Variants in CWC27 observed in about 807,000 individuals in gnomAD.
CWC27 encodes the protein CWC27 spliceosome associated cyclophilin.
In CWC27, 47 loss-of-function variants were observed where a neutral mutation model predicts 63.6. The observed-to-expected ratio is 0.74, with a 90% CI of 0.58 to 0.94. The LOEUF is 0.94. Ranked by LOEUF, CWC27 falls within the 40% of genes least tolerant of loss-of-function variation. The pLI is 0.00. For synonymous variants in CWC27, 175 were observed against 179.8 expected (o/e 0.97, Z 0.22); for missense variants, 495 against 554.3 (o/e 0.89, Z 1.07).
intron 13 of CWC27, among the ~76,000 whole-genome samples, chr5:65,011,723 T>TTATG (rs752906685): frequency 1.3e-5 from 2 of 152,314 alleles, no homozygotes; most frequent in South Asian, 4.1e-4. Context: ...GACCTGAGTA[T>TTATG]TATGGACCAC....
Position 64,889,038 on chromosome 5 carries a change from A to G in CWC27, c.1042+3492A>G, listed in dbSNP as rs772276786. Among the ~76,000 whole-genome samples, 70 of 152,302 alleles carry G rather than the reference A, an allele frequency of 4.6e-4. 1 individual carries two copies. In the Middle Eastern group the frequency reaches 0.01, roughly 22 times the overall value. ...TCCCAAAAATAAATAATCATAATTC[A>G]ATTAGAAAACATCAAACTCAAATTG... On this transcript the variant is annotated intron_variant, in intron 11 of 13. Transcript: ENST00000381070.
chr5:64,800,546 T>C (rs1241278878), intron 8 of CWC27, among the ~76,000 whole-genome samples: 1 of 152,230 alleles, frequency 6.6e-6, no homozygotes, highest in Non-Finnish European at 1.5e-5. Flanking sequence ...CTCTGTTGAA[T>C]GAATTACATT....
At chr5:64,898,666 A>G (rs1747435643) in intron 11 of CWC27, among the ~76,000 whole-genome samples, 1 of 152,070 alleles carries the variant, frequency 6.6e-6, no homozygotes, top group African/African-American at 2.4e-5. Flanking sequence ...AGAAAGAGGG[A>G]GAGAGAGGCA....
chr5:64,963,844 A>G (rs1748965014), intron 11 of CWC27, among the ~76,000 whole-genome samples: 1 of 152,192 alleles, frequency 6.6e-6, no homozygotes, highest in South Asian at 2.1e-4. Context: ...GTAATTAAAA[A>G]TCTCCAAAGA....
chr5:64,879,318 A>G (rs765149888), intron 10 of CWC27, among the ~76,000 whole-genome samples: 7 of 151,990 alleles, frequency 4.6e-5, no homozygotes, highest in Admixed American at 1.3e-4. Context: ...AGAAATGTCA[A>G]TTTAATCTTG....
intron 11 of CWC27, among the ~76,000 whole-genome samples, chr5:64,929,022 G>A (rs1748179001): frequency 6.6e-6 from 1 of 151,778 alleles, no homozygotes; most frequent in South Asian, 2.1e-4. Context: ...TATGTATATG[G>A]TAAAGTTTAG....
intron 11 of CWC27, among the ~76,000 whole-genome samples, chr5:64,930,750 T>C (rs1748220302): frequency 6.6e-6 from 1 of 152,112 alleles, no homozygotes; most frequent in African/African-American, 2.4e-5. Context: ...GTAAAACACC[T>C]TGACTGACTG....
chr5:64,979,145 A>G (rs1749286540), intron 13 of CWC27, among the ~76,000 whole-genome samples: 1 of 152,156 alleles, frequency 6.6e-6, no homozygotes, highest in South Asian at 2.1e-4. Flanking sequence ...AAAACGGGGA[A>G]ACTTCACTGG....
chr5:64,965,477 C>T (rs2112437227), intron 11 of CWC27, among the ~76,000 whole-genome samples: 1 of 152,308 alleles, frequency 6.6e-6, no homozygotes, highest in South Asian at 2.1e-4. Flanking sequence ...ATTCTCAGTC[C>T]ATCTGCTGAA....
At chr5:64,896,933 C>T (rs536645499) in intron 11 of CWC27, among the ~76,000 whole-genome samples, 9 of 152,218 alleles carry the variant, frequency 5.9e-5, no homozygotes, top group East Asian at 3.9e-4. Context: ...ACAATCAAGC[C>T]GCGCACGGTG....
chr5:64,971,848 T>G (rs770715106), intron 12 of CWC27, 36 bp downstream of exon 12: 3 of 1,374,102 alleles, frequency 2.2e-6, no homozygotes, highest in Non-Finnish European at 2.0e-6. Context: ...CAGAACTTAT[T>G]GTCTTTTTAT....
Position 64,977,152 on chromosome 5 carries a change from C to G in CWC27, c.1170C>G (p.Asn390Lys), listed in dbSNP as rs1420687442. The part of the protein sequence containing the change: ...SREDQTLALL[N>K]QFKSKLTQAI... The stretch of plus-strand genomic sequence containing the variant: ...TATTTCAGACCCTTGCACTGCTGAA[C>G]CAGTTTAAATCTAAACTCACTCAAG... Residue 390 changes from asparagine (N) to lysine (K), a missense_variant, in exon 13 of 14, where the codon AAC (asparagine) becomes AAG (lysine). Asn to Lys is a moderately conservative substitution (Grantham distance 94). This residue lies in a region of CWC27 where 463 missense variants were observed against 498.1 expected (regional missense o/e 0.93). Transcript: ENST00000381070. 1.6e-5 allele frequency: 25 copies of G among 1,608,218 alleles called. No homozygotes were observed. The highest frequency in any genetic ancestry group is 1.8e-5 in the Non-Finnish European group (21 of 1,176,332).
At chr5:65,010,751 A>T (rs140150763) in intron 13 of CWC27, among the ~76,000 whole-genome samples, 169 of 152,382 alleles carry the variant, frequency 1.1e-3, no homozygotes, top group Middle Eastern at 3.4e-3. Flanking sequence ...TTTGAGAAAG[A>T]TAAGTGTTGG....
intron 11 of CWC27, among the ~76,000 whole-genome samples, chr5:64,917,882 C>T (rs1333272590): frequency 6.6e-6 from 1 of 151,840 alleles, no homozygotes; most frequent in Admixed American, 6.6e-5. Flanking sequence ...TGACTGCAGA[C>T]CTTGAAACTT....
chr5:64,850,498 A>G (rs1009607705), intron 10 of CWC27, among the ~76,000 whole-genome samples: 11 of 152,282 alleles, frequency 7.2e-5, no homozygotes, highest in African/African-American at 2.6e-4. Flanking sequence ...GGAAAATGAC[A>G]TATTAGTACA....
At chr5:64,880,493 G>C (rs1746909360) in intron 10 of CWC27, among the ~76,000 whole-genome samples, 1 of 151,946 alleles carries the variant, frequency 6.6e-6, no homozygotes, top group Non-Finnish European at 1.5e-5. Context: ...ACAGAACCTA[G>C]CAAAGTGAGG....
At position 64,909,187 on chromosome 5, in the gene CWC27, T is replaced by G. The variant is rs1412263223; in HGVS notation, c.1042+23641T>G. On this transcript the variant is annotated intron_variant, in intron 11 of 13. Transcript: ENST00000381070. ...TGAAATTCTGTTTTGAAAATTCTTTTCTTTAAGAATATTGAATATTGGCCC... is the reference window on the plus strand; with the variant it reads ...TGAAATTCTGTTTTGAAAATTCTTTGCTTTAAGAATATTGAATATTGGCCC... Among the ~76,000 whole-genome samples the G allele has an allele frequency of 3.3e-5, 5 of 152,216 alleles. No homozygotes were observed. In the East Asian group the frequency reaches 9.6e-4, roughly 29 times the overall value.
intron 10 of CWC27, among the ~76,000 whole-genome samples, chr5:64,835,925 A>G (rs1272152371): frequency 6.6e-6 from 1 of 151,906 alleles, no homozygotes; most frequent in Non-Finnish European, 1.5e-5. Context: ...AATGTGAGCA[A>G]TCAAACTGAA....
rs574498211 is a variant in CWC27, at chr5:64,891,206, C to G, written c.1042+5660C>G. ...ATAAGATAGAGAATGGGCAATGATT[C>G]CAACCTAATTAGTTAAAAAAATTAA... On this transcript the variant is annotated intron_variant, in intron 11 of 13. Transcript: ENST00000381070. Among the ~76,000 whole-genome samples, 6 of 152,172 alleles carry G rather than the reference C, an allele frequency of 3.9e-5. No homozygotes were observed. The East Asian group carries it at 1.2e-3, about 29-fold the overall frequency.
Sources: allele counts gnomAD v4.1 joint callset (sites outside exome capture counted in the v4.1 genomes callset), GRCh38; gene constraint gnomAD v4.1.1; regional missense constraint gnomAD v4.1.1; transcripts MANE v1.5; gene names NCBI Gene and HGNC (gene_info 2026-07-23, HGNC 2026-07-21).